Variants in DLG2 observed in about 807,000 individuals in gnomAD.
DLG2 encodes disks large homolog 2.
Under a neutral mutation model 132.5 loss-of-function variants are expected in DLG2, and 45 were observed. That is an observed-to-expected ratio of 0.34 (90% confidence interval 0.27 to 0.44). DLG2 has a LOEUF of 0.44. DLG2 is among the 20% of genes least tolerant of loss of function. The pLI, the probability that DLG2 is intolerant of heterozygous loss-of-function variation, is 1.00. For missense variants in DLG2, 1,045 were observed against 1,196.9 expected, an observed-to-expected ratio of 0.87 and a Z score of 1.87; for synonymous variants, 424 against 419.6, an observed-to-expected ratio of 1.01 and a Z score of -0.13.
intron 6 of DLG2, among the ~76,000 whole-genome samples, chr11:84,648,317 C>CAA (rs2099677332): frequency 6.6e-6 from 1 of 152,170 alleles, no homozygotes; most frequent in Admixed American, 6.5e-5. Context: ...ACCACTAGTG[C>CAA]AAAGGGCACC....
intron 17 of DLG2, among the ~76,000 whole-genome samples, chr11:83,833,331 A>G (rs1027933148): frequency 1.3e-5 from 2 of 152,122 alleles, no homozygotes; most frequent in African/African-American, 2.4e-5. Flanking sequence ...TCAGCTACTC[A>G]GGAGGCTGAG....
At chr11:84,895,007 G>A (rs2089993228) in intron 6 of DLG2, among the ~76,000 whole-genome samples, 1 of 152,014 alleles carries the variant, frequency 6.6e-6, no homozygotes, top group Non-Finnish European at 1.5e-5. Context: ...TTTTAATATT[G>A]TTTCCATTAT....
intron 3 of DLG2, among the ~76,000 whole-genome samples, chr11:85,388,446 T>A (rs1234900485): frequency 1.3e-5 from 2 of 152,006 alleles, no homozygotes; most frequent in African/African-American, 4.8e-5. Flanking sequence ...TGAATACTTA[T>A]CCAAAGGCTA....
At chr11:83,923,654 C>A (rs1168198863) in intron 15 of DLG2, among the ~76,000 whole-genome samples, 2 of 152,114 alleles carry the variant, frequency 1.3e-5, no homozygotes, top group African/African-American at 4.8e-5. Context: ...GAAAATTCTT[C>A]CCCTGAGTCA....
chr11:83,554,822 A>G (rs2096483224), intron 19 of DLG2, among the ~76,000 whole-genome samples: 1 of 152,214 alleles, frequency 6.6e-6, no homozygotes, highest in Non-Finnish European at 1.5e-5. Flanking sequence ...TAGTCAATAC[A>G]GTGTAACTTT....
intron 6 of DLG2, among the ~76,000 whole-genome samples, chr11:85,101,261 G>C (rs1258517335): frequency 6.6e-6 from 1 of 151,844 alleles, no homozygotes; most frequent in East Asian, 1.9e-4. Flanking sequence ...AATTGGTTAG[G>C]TAATAAAATG....
At chr11:84,275,657 C>T (rs911457143) in intron 7 of DLG2, among the ~76,000 whole-genome samples, 1 of 152,128 alleles carries the variant, frequency 6.6e-6, no homozygotes, top group African/African-American at 2.4e-5. Context: ...CCCAGCCGTG[C>T]TATAATTTTT....
At chr11:84,988,782 A>G (rs1009577389) in intron 6 of DLG2, among the ~76,000 whole-genome samples, 2 of 152,180 alleles carry the variant, frequency 1.3e-5, no homozygotes, top group Non-Finnish European at 2.9e-5. Flanking sequence ...TATACTTCTC[A>G]GGTGATGGGT....
intron 3 of DLG2, among the ~76,000 whole-genome samples, chr11:85,552,822 G>A (rs2076740284): frequency 6.6e-6 from 1 of 151,310 alleles, no homozygotes; most frequent in Non-Finnish European, 1.5e-5. Context: ...TATTTAAATA[G>A]GAGTTCCAAG....
At chr11:84,605,642 A>G (rs1374824552) in intron 6 of DLG2, among the ~76,000 whole-genome samples, 1 of 151,474 alleles carries the variant, frequency 6.6e-6, no homozygotes, top group African/African-American at 2.4e-5. Flanking sequence ...GCACCCATTT[A>G]TAAGGAAAAA....
intron 7 of DLG2, among the ~76,000 whole-genome samples, chr11:84,347,863 C>A (rs1186218342): frequency 6.6e-6 from 1 of 152,174 alleles, no homozygotes; most frequent in Non-Finnish European, 1.5e-5. Flanking sequence ...CCTAGATCAT[C>A]ACTATCTGAT....
chr11:85,134,145 A>C (rs2075964035), intron 5 of DLG2, among the ~76,000 whole-genome samples: 1 of 152,134 alleles, frequency 6.6e-6, no homozygotes, highest in Non-Finnish European at 1.5e-5. Context: ...GAAAATACAT[A>C]GTCAACTGGA....
intron 7 of DLG2, among the ~76,000 whole-genome samples, chr11:84,502,322 CT>C (rs1421752029): frequency 8.2e-5 from 1 of 12,204 alleles, no homozygotes; most frequent in Non-Finnish European, 1.5e-4. Context: ...TTCTTTCTTT[CT>C]TTCTTTCTTT....
At chr11:85,595,523 T>C (rs2079685522) in intron 3 of DLG2, among the ~76,000 whole-genome samples, 2 of 152,194 alleles carry the variant, frequency 1.3e-5, no homozygotes, top group African/African-American at 4.8e-5. Flanking sequence ...AGCATATTGC[T>C]GTTTCAGGGT....
At chr11:83,914,465 G>A (rs2076587908) in intron 15 of DLG2, among the ~76,000 whole-genome samples, 1 of 152,130 alleles carries the variant, frequency 6.6e-6, no homozygotes, top group Non-Finnish European at 1.5e-5. Flanking sequence ...ATAACACCAA[G>A]ATGTTTTTCT....
At chr11:84,898,625 C>T (rs1196979971) in intron 6 of DLG2, among the ~76,000 whole-genome samples, 3 of 151,928 alleles carry the variant, frequency 2.0e-5, no homozygotes, top group African/African-American at 7.2e-5. Flanking sequence ...AATTTCTTAT[C>T]CTTTCCTAGA....
At chr11:83,954,383 A>G (rs1484992900) in intron 14 of DLG2, among the ~76,000 whole-genome samples, 3 of 152,058 alleles carry the variant, frequency 2.0e-5, no homozygotes, top group Admixed American at 6.5e-5. Flanking sequence ...TTTTCTCTTT[A>G]TTGTTTATTT....
At chr11:84,265,279 G>A (rs2097604070) in intron 7 of DLG2, among the ~76,000 whole-genome samples, 1 of 152,144 alleles carries the variant, frequency 6.6e-6, no homozygotes, top group African/African-American at 2.4e-5. Context: ...ACCTTTACCA[G>A]GCACACTTTT....
At chr11:84,354,855 T>G (rs1567381176) in intron 7 of DLG2, among the ~76,000 whole-genome samples, 1 of 152,174 alleles carries the variant, frequency 6.6e-6, no homozygotes, top group Non-Finnish European at 1.5e-5. Flanking sequence ...TAAGGGAGTA[T>G]TGAAGACCTG....
Sources: gnomAD v4.1 joint callset for allele counts (sites outside exome capture counted in the v4.1 genomes callset) on GRCh38, gnomAD v4.1.1 for gene constraint, MANE v1.5 for transcripts, NCBI Gene and HGNC (gene_info 2026-07-23, HGNC 2026-07-21) for gene names.